Variants in DNAAF4 observed in about 807,000 individuals in gnomAD.
DNAAF4 encodes dynein assembly factor 4, axonemal.
Under a neutral mutation model 51.8 loss-of-function variants are expected in DNAAF4, and 43 were observed. That is an observed-to-expected ratio of 0.83 (90% CI 0.65 to 1.07). The LOEUF is 1.07. Ranked by LOEUF, DNAAF4 falls within the 50% of genes least tolerant of loss-of-function variation. DNAAF4 has a pLI of 0.00. For missense variants in DNAAF4, 581 were observed against 493.0 expected, an observed-to-expected ratio of 1.18 and a Z score of -1.69; for synonymous variants, 194 against 165.6, an observed-to-expected ratio of 1.17 and a Z score of -1.32.
At chr15:55,449,561 G>A (rs1036993858) in intron 6 of DNAAF4, among the ~76,000 whole-genome samples, 1 of 150,808 alleles carries the variant, frequency 6.6e-6, no homozygotes, top group African/African-American at 2.4e-5. Context: ...CTACTAGGGA[G>A]GCTGAGGCAG....
intron 4 of DNAAF4, among the ~76,000 whole-genome samples, chr15:55,479,031 CTACTT>C (rs2058373139): frequency 6.6e-6 from 1 of 151,758 alleles, no homozygotes; most frequent in Non-Finnish European, 1.5e-5. Context: ...TTAGTTAAGG[CTACTT>C]TAAAGGATAT....
At position 55,430,502 on chromosome 15, in the gene DNAAF4, G is replaced by T. The variant is rs1407839919; in HGVS notation, c.*168C>A. 3 of 1,193,442 alleles carry T rather than the reference G, an allele frequency of 2.5e-6. No individual in the cohort carries two copies. The highest frequency in any genetic ancestry group is 1.6e-5 in the African/African-American group (1 of 63,398). The allele number at this position is 1,193,442 out of a possible 1,614,324, so 73.9% of individuals were successfully genotyped here. ...TATTTAGATTTACTTATTCAGAAAT[G>T]ATTCAAGTCAAACAGTTTATTTTCT... On this transcript the variant is annotated 3_prime_UTR_variant, in exon 10 of 10. Coordinates refer to ENST00000321149, the MANE Select transcript of DNAAF4 (RefSeq NM_130810.4).
intron 7 of DNAAF4, among the ~76,000 whole-genome samples, chr15:55,420,089 TA>T: frequency 6.6e-6 from 1 of 152,254 alleles, no homozygotes; most frequent in East Asian, 1.9e-4. Context: ...AAGTAGGCAG[TA>T]TGCACAGGCC....
chr15:55,473,513 T>A, intron 4 of DNAAF4, among the ~76,000 whole-genome samples: 1 of 151,068 alleles, frequency 6.6e-6, no homozygotes. Flanking sequence ...TAGGAAAATA[T>A]TAAAATTATA....
chr15:55,484,769 G>A (rs942768014), intron 4 of DNAAF4, among the ~76,000 whole-genome samples: 2 of 152,186 alleles, frequency 1.3e-5, no homozygotes, highest in Non-Finnish European at 2.9e-5. Context: ...TGAAGAACTT[G>A]AAGTCCCATG....
chr15:55,455,575 G>A (rs938426040), intron 5 of DNAAF4, among the ~76,000 whole-genome samples: 1 of 151,798 alleles, frequency 6.6e-6, no homozygotes, highest in Non-Finnish European at 1.5e-5. Context: ...GGGACTACAG[G>A]CGCATGCCAC....
intron 5 of DNAAF4, among the ~76,000 whole-genome samples, chr15:55,451,173 G>A (rs765249678): frequency 4.6e-5 from 7 of 152,152 alleles, no homozygotes; most frequent in East Asian, 1.9e-4. Context: ...GGGAAGGAGC[G>A]CTCTTAGACT....
chr15:55,474,295 G>A (rs1045953499), intron 4 of DNAAF4, among the ~76,000 whole-genome samples: 2 of 152,144 alleles, frequency 1.3e-5, no homozygotes, highest in African/African-American at 4.8e-5. Flanking sequence ...CAACACTTTG[G>A]GAGGCCGAGG....
At chr15:55,447,643 C>T (rs1013219622) in intron 6 of DNAAF4, among the ~76,000 whole-genome samples, 3 of 149,414 alleles carry the variant, frequency 2.0e-5, no homozygotes, top group East Asian at 2.0e-4. Flanking sequence ...TCAGGCATGG[C>T]GGTGCGTGCC....
intron 9 of DNAAF4, 57 bp downstream of exon 9, chr15:55,432,440 A>G (rs2057511075): frequency 6.5e-6 from 9 of 1,387,054 alleles, no homozygotes; most frequent in African/African-American, 2.9e-5. Flanking sequence ...AATAATTCCA[A>G]TGACATTTTT....
intron 7 of DNAAF4, among the ~76,000 whole-genome samples, chr15:55,423,729 GA>G (rs1265236403): frequency 1.3e-5 from 2 of 152,264 alleles, no homozygotes; most frequent in South Asian, 2.1e-4. Context: ...AAGGCCGGTG[GA>G]TCACTTAAGA....
intron 5 of DNAAF4, among the ~76,000 whole-genome samples, chr15:55,465,389 T>TACACACACACACACAC (rs200097648): frequency 4.7e-5 from 6 of 128,538 alleles, no homozygotes; most frequent in African/African-American, 2.4e-4. Context: ...ATATGGTGTA[T>TACACACACACACACAC]ATATACACAC....
intron 5 of DNAAF4, among the ~76,000 whole-genome samples, chr15:55,451,617 A>ATC (rs2057933848): frequency 1.3e-5 from 1 of 75,936 alleles, no homozygotes; most frequent in African/African-American, 3.5e-5. Flanking sequence ...TGTGAATAAT[A>ATC]TCTTTTTTTT....
intron 3 of DNAAF4, among the ~76,000 whole-genome samples, chr15:55,496,592 T>G (rs924672446): frequency 2.0e-5 from 3 of 152,190 alleles, no homozygotes; most frequent in African/African-American, 7.2e-5. Flanking sequence ...CAAAGTTAAG[T>G]ACTCAATAAA....
At chr15:55,492,593 G>A (rs1461640382) in intron 3 of DNAAF4, among the ~76,000 whole-genome samples, 4 of 151,788 alleles carry the variant, frequency 2.6e-5, no homozygotes, top group Non-Finnish European at 5.9e-5. Flanking sequence ...AGGCTGGAGT[G>A]CTGTGGTCCG....
intron 6 of DNAAF4, among the ~76,000 whole-genome samples, chr15:55,449,436 G>A (rs1381626023): frequency 2.0e-5 from 3 of 150,692 alleles, no homozygotes; most frequent in Admixed American, 2.0e-4. Context: ...GCCGAGCAGG[G>A]TGGATCGCCT....
chr15:55,440,377 A>G (rs2057689311), intron 6 of DNAAF4, among the ~76,000 whole-genome samples: 1 of 146,606 alleles, frequency 6.8e-6, no homozygotes, highest in Admixed American at 6.9e-5. Context: ...ATCTTGCAAT[A>G]TTTATATATA....
At chr15:55,468,359 C>T (rs146005748) in intron 4 of DNAAF4, among the ~76,000 whole-genome samples, 6 of 152,252 alleles carry the variant, frequency 3.9e-5, no homozygotes, top group African/African-American at 1.2e-4. Context: ...ATAAATTTCA[C>T]GGGACACTGA....
At chr15:55,425,616 T>C (rs894602531), downstream of DNAAF4, among the ~76,000 whole-genome samples, 2 of 152,126 alleles carry the variant, frequency 1.3e-5, no homozygotes, top group Non-Finnish European at 2.9e-5. Flanking sequence ...ACTCTGATTT[T>C]CTTCTACACT....
Sources: gnomAD v4.1 joint callset for allele counts (sites outside exome capture counted in the v4.1 genomes callset) on GRCh38, gnomAD v4.1.1 for gene constraint, MANE v1.5 for transcripts, NCBI Gene and HGNC (gene_info 2026-07-23, HGNC 2026-07-21) for gene names.